MDGA2: variants seen among roughly 807,000 people sequenced by gnomAD.
MDGA2 encodes MAM domain-containing glycosylphosphatidylinositol anchor protein 2.
Under a neutral mutation model 117.8 loss-of-function variants are expected in MDGA2, and 40 were observed. The ratio of observed to expected loss-of-function variants is 0.34; its 90% CI spans 0.26 to 0.44. The LOEUF (loss-of-function observed/expected upper bound fraction) is 0.44, where lower values mean the gene tolerates loss of function less well. Among genes scored for constraint, MDGA2 ranks in the 20% least tolerant of loss-of-function variants. The probability of loss-of-function intolerance (pLI) is 1.00; values close to 1 mark genes in which losing one functional copy is unlikely to be tolerated. For synonymous variants in MDGA2, 452 were observed against 439.0 expected, an observed-to-expected ratio of 1.03 and a Z score of -0.37; for missense variants, 1,123 against 1,250.6, an observed-to-expected ratio of 0.90 and a Z score of 1.54.
intron 8 of MDGA2, among the ~76,000 whole-genome samples, chr14:47,030,123 C>A (rs1027436320): frequency 2.0e-4 from 30 of 152,038 alleles, no homozygotes; most frequent in Non-Finnish European, 3.8e-4. Context: ...ACCCCCCGCC[C>A]ACATATCCTG....
chr14:47,256,269 C>T (rs1317324065), intron 2 of MDGA2, among the ~76,000 whole-genome samples: 2 of 151,766 alleles, frequency 1.3e-5, no homozygotes, highest in Non-Finnish European at 2.9e-5. Context: ...GAGAAAGGGG[C>T]TATGATTACA....
intron 1 of MDGA2, among the ~76,000 whole-genome samples, chr14:47,640,076 T>C (rs1224336693): frequency 6.6e-6 from 1 of 152,182 alleles, no homozygotes; most frequent in Non-Finnish European, 1.5e-5. Flanking sequence ...AAGCTTCCTA[T>C]TAGCTATGCT....
intron 1 of MDGA2, among the ~76,000 whole-genome samples, chr14:47,362,088 G>A (rs1594817205): frequency 6.6e-6 from 1 of 152,078 alleles, no homozygotes; most frequent in South Asian, 2.1e-4. Flanking sequence ...TGATTTAGGA[G>A]TCCTGAATCT....
At chr14:47,617,058 G>T (rs1365553718) in intron 1 of MDGA2, among the ~76,000 whole-genome samples, 4 of 152,120 alleles carry the variant, frequency 2.6e-5, no homozygotes, top group Non-Finnish European at 2.9e-5. Context: ...ACCACTGTTG[G>T]TATGATCTTG....
rs200987003 is a variant in MDGA2 at position 47,269,206 on chromosome 14, A to AT, written c.420+32204dup. On this transcript the variant is annotated intron_variant, in intron 2 of 16. Coordinates refer to ENST00000399232, the MANE Select transcript of MDGA2 (RefSeq NM_001113498.3). ...GGACTTCATGGGCCCTTCCCTAAGC[A>AT]TTTTTTTTTGGTGAAGCTATGTCAT... Among the ~76,000 whole-genome samples the AT allele has an allele frequency of 2.9e-3, 437 of 150,802 alleles. 1 individual carries two copies. The highest frequency in any genetic ancestry group is 8.6e-3 in the African/African-American group (355 of 41,236).
At chr14:47,371,448 T>A (rs947311068) in intron 1 of MDGA2, among the ~76,000 whole-genome samples, 2 of 151,818 alleles carry the variant, frequency 1.3e-5, no homozygotes, top group African/African-American at 2.4e-5. Flanking sequence ...TGATTTAATA[T>A]ATTTTCTCAT....
In MDGA2 at chr14:46,988,534, G is replaced by A. The variant is rs951723124; in HGVS notation, c.1820-30891C>T. On this transcript the variant is annotated intron_variant, in intron 8 of 16. Transcript: ENST00000399232. ...CAGTTTTCAGAAGATTTAGTGTAGC[G>A]GTTGGACACCAGGGTAGGCATATTA... Among the ~76,000 whole-genome samples, 4 of 152,008 alleles carry A rather than the reference G, an allele frequency of 2.6e-5. No homozygotes were observed. In the East Asian group the frequency reaches 7.7e-4, roughly 29 times the overall value.
intron 1 of MDGA2, among the ~76,000 whole-genome samples, chr14:47,369,566 C>T (rs988722976): frequency 6.6e-6 from 1 of 152,078 alleles, no homozygotes; most frequent in African/African-American, 2.4e-5. Context: ...AGCCATCTCC[C>T]CGGTCCCGAC....
chr14:47,576,429 A>G (rs974216267), intron 1 of MDGA2, among the ~76,000 whole-genome samples: 12 of 152,134 alleles, frequency 7.9e-5, no homozygotes, highest in East Asian at 3.9e-4. Flanking sequence ...TGCTTTTGTC[A>G]TATCTCAGAA....
In MDGA2 at chr14:47,465,251, C is replaced by A. The variant is rs555061686; in HGVS notation, c.281-163701G>T. On this transcript the variant is annotated intron_variant, in intron 1 of 16. Transcript: ENST00000399232. ...ACCCTGGCAGATAACCTAGGCAATA[C>A]CATCCTAGAGATAGAAACAGGCAAA... 1.4e-3 allele frequency among the ~76,000 whole-genome samples: 219 copies of A among 152,236 alleles called. 1 individual carries two copies. Among genetic ancestry groups the A allele is most frequent in the African/African-American group, 4.5e-3 (189 of 41,552 alleles).
chr14:47,153,836 A>G (rs145293473), intron 3 of MDGA2, among the ~76,000 whole-genome samples: 1 of 152,262 alleles, frequency 6.6e-6, no homozygotes, highest in Non-Finnish European at 1.5e-5. Context: ...ACAGCCATGG[A>G]GAGGTTGGAG....
chr14:47,425,780 C>G (rs78138954), intron 1 of MDGA2, among the ~76,000 whole-genome samples: 2,549 of 152,074 alleles, frequency 0.017, 42 homozygotes, highest in East Asian at 0.075. Context: ...AAAAGACTTG[C>G]AAAAGAGAGA....
intron 5 of MDGA2, among the ~76,000 whole-genome samples, chr14:47,127,164 A>T (rs1037410851): frequency 1.3e-5 from 2 of 152,162 alleles, no homozygotes; most frequent in African/African-American, 4.8e-5. Context: ...GACATTTTGC[A>T]AACCAACAGT....
At chr14:47,343,045 G>C (rs571941327) in intron 1 of MDGA2, 2 of 1,285,836 alleles carry the variant, frequency 1.6e-6, no homozygotes, top group South Asian at 2.5e-5. Flanking sequence ...CAGCACTACC[G>C]TGAGTCCTGC....
chr14:47,103,929 A>G (rs999849283), intron 5 of MDGA2, among the ~76,000 whole-genome samples: 3 of 152,192 alleles, frequency 2.0e-5, no homozygotes, highest in South Asian at 4.1e-4. Flanking sequence ...GCTGTGATAT[A>G]TCAGCGAACA....
chr14:47,275,835 G>A lies in MDGA2; in HGVS notation c.420+25576C>T, dbSNP rs183695349. ...AGAGAAATACTTCACTTCTGCATGAGAGCAGCCTGCGTAATGTAATGAGCC... is the reference window on the plus strand; with the variant it reads ...AGAGAAATACTTCACTTCTGCATGAAAGCAGCCTGCGTAATGTAATGAGCC... On this transcript the variant is annotated intron_variant, in intron 2 of 16. Transcript: ENST00000399232. Among the ~76,000 whole-genome samples the A allele has an allele frequency of 1.2e-4, 18 of 152,202 alleles. No homozygotes were observed. The East Asian group carries it at 3.5e-3, about 29-fold the overall frequency.
chr14:47,574,637 TTA>T (rs1896082912), intron 1 of MDGA2, among the ~76,000 whole-genome samples: 1 of 152,160 alleles, frequency 6.6e-6, no homozygotes, highest in African/African-American at 2.4e-5. Flanking sequence ...ACCACTGCTA[TTA>T]TTACTAATAA....
chr14:46,843,052 TAG>T lies in MDGA2; in HGVS notation c.2990-1035_2990-1034del, dbSNP rs201481757. On this transcript the variant is annotated intron_variant, in intron 16 of 16. Coordinates refer to ENST00000399232, the MANE Select transcript of MDGA2 (RefSeq NM_001113498.3). ...AAGATTATTTATTTCCCCTAATTTA[TAG>T]AGTTTAAATATAAATACACCCAATA... 7.4e-3 allele frequency among the ~76,000 whole-genome samples: 1,134 copies of T among 152,306 alleles called. 11 individuals carry two copies. The highest frequency in any genetic ancestry group is 0.028 in the South Asian group (135 of 4,826).
chr14:47,049,735 T>C (rs1889389526), intron 7 of MDGA2, among the ~76,000 whole-genome samples: 1 of 152,026 alleles, frequency 6.6e-6, no homozygotes, highest in Non-Finnish European at 1.5e-5. Context: ...ATATTCTGCA[T>C]AGAATGTTTT....
Sources: gnomAD v4.1 joint callset for allele counts (sites outside exome capture counted in the v4.1 genomes callset) on GRCh38, gnomAD v4.1.1 for gene constraint, MANE v1.5 for transcripts, NCBI Gene and HGNC (gene_info 2026-07-23, HGNC 2026-07-21) for gene names.